Variants in CTSC observed in about 807,000 individuals in gnomAD.
CTSC encodes the protein cathepsin C, also known as dipeptidyl peptidase 1.
CTSC carries 37 observed loss-of-function variants against 40.9 expected under a neutral mutation model. The observed-to-expected ratio is 0.91, with a 90% confidence interval of 0.70 to 1.19. The LOEUF (loss-of-function observed/expected upper bound fraction) is 1.19. Among genes scored for constraint, CTSC ranks in the 50% most tolerant of loss-of-function variants. The pLI, the probability that CTSC is intolerant of heterozygous loss-of-function variation, is 0.00. For missense variants in CTSC, 594 were observed against 567.3 expected, an observed-to-expected ratio of 1.05 and a Z score of -0.48; for synonymous variants, 232 against 207.4, an observed-to-expected ratio of 1.12 and a Z score of -1.02.
At chr11:88,298,902 T>A (rs960197499) in intron 5 of CTSC, 5 of 152,218 alleles carry the variant, frequency 3.3e-5, no homozygotes, top group African/African-American at 1.2e-4. Flanking sequence ...AACTTGTCAA[T>A]CATTTCTTTT....
intron 2 of CTSC, among the ~76,000 whole-genome samples, chr11:88,319,647 T>C (rs1288725680): frequency 1.3e-5 from 2 of 152,144 alleles, no homozygotes; most frequent in African/African-American, 2.4e-5. Context: ...ATATTTTGGG[T>C]AGGGCACAAT....
At chr11:88,307,849 A>G (rs1248623316) in intron 4 of CTSC, among the ~76,000 whole-genome samples, 3 of 152,148 alleles carry the variant, frequency 2.0e-5, no homozygotes, top group African/African-American at 4.8e-5. Flanking sequence ...TAATCACCCA[A>G]CGGGTTCTCC....
At position 88,320,457 on chromosome 11, in the gene CTSC, G is replaced by T. The variant is rs982725299; in HGVS notation, c.319-7903C>A. 4.6e-5 allele frequency among the ~76,000 whole-genome samples: 7 copies of T among 152,304 alleles called. No homozygotes were observed. The East Asian group carries it at 1.4e-3, about 29-fold the overall frequency. On this transcript the variant is annotated intron_variant, in intron 2 of 6. Coordinates refer to ENST00000227266, the MANE Select transcript of CTSC (RefSeq NM_001814.6). Reference sequence around the variant, plus strand: ...TCATCTAATCCACTCCTCAGCTCATGTTCCTCACTATACTCAACAGAGGTG... The same window carrying T: ...TCATCTAATCCACTCCTCAGCTCATTTTCCTCACTATACTCAACAGAGGTG...
chr11:88,303,905 G>T (rs1204974593), intron 4 of CTSC, among the ~76,000 whole-genome samples: 1 of 151,902 alleles, frequency 6.6e-6, no homozygotes, highest in Non-Finnish European at 1.5e-5. Flanking sequence ...GAGGAGGGCG[G>T]AAGAAGATCA....
intron 2 of CTSC, chr11:88,325,422 T>C: frequency 1.0e-6 from 1 of 985,428 alleles, no homozygotes; most frequent in Non-Finnish European, 1.2e-6. Flanking sequence ...ATATTCATGA[T>C]GCTCACAGAC....
intron 4 of CTSC, among the ~76,000 whole-genome samples, chr11:88,306,245 C>T (rs1253731904): frequency 6.6e-6 from 1 of 152,130 alleles, no homozygotes; most frequent in Non-Finnish European, 1.5e-5. Flanking sequence ...AATGCCACAC[C>T]TTAGCATTAT....
intron 2 of CTSC, chr11:88,325,885 A>G (rs1938169005): frequency 2.0e-6 from 2 of 988,152 alleles, no homozygotes; most frequent in Non-Finnish European, 2.4e-6. Context: ...ATCTCAAGAG[A>G]TCCAAGGGCC....
chr11:88,326,153 A>AT (rs368047543), intron 2 of CTSC: 190 of 1,302,966 alleles, frequency 1.5e-4, no homozygotes, highest in South Asian at 4.9e-4. Context: ...CATCTTCAGA[A>AT]TTTTTTTTTC....
intron 2 of CTSC, among the ~76,000 whole-genome samples, chr11:88,330,264 C>A (rs217066): frequency 0.72 from 109,793 of 152,004 alleles, 39,823 homozygotes; most frequent in East Asian, 0.89. Context: ...TAGATACCCA[C>A]CCACCTGAGT....
chr11:88,305,517 C>T (rs1252089089), intron 4 of CTSC, among the ~76,000 whole-genome samples: 1 of 152,198 alleles, frequency 6.6e-6, no homozygotes, highest in African/African-American at 2.4e-5. Context: ...CTAGTGAAAG[C>T]TCTAGATTCA....
intron 2 of CTSC, among the ~76,000 whole-genome samples, chr11:88,313,061 G>T (rs1937798906): frequency 6.6e-6 from 1 of 152,122 alleles, no homozygotes; most frequent in Admixed American, 6.6e-5. Flanking sequence ...GAAACTACAA[G>T]AACAAATGAT....
At chr11:88,333,375 A>T (rs1462490015) in intron 2 of CTSC, among the ~76,000 whole-genome samples, 1 of 152,202 alleles carries the variant, frequency 6.6e-6, no homozygotes, top group Non-Finnish European at 1.5e-5. Flanking sequence ...TTTTTGTAAT[A>T]AATTGACTAG....
chr11:88,301,104 G>A (rs1042704711), intron 4 of CTSC, among the ~76,000 whole-genome samples: 1 of 152,078 alleles, frequency 6.6e-6, no homozygotes, highest in African/African-American at 2.4e-5. Context: ...AGGGAAAAAA[G>A]GGTCTATGTG....
chr11:88,324,988 G>A lies in CTSC; in HGVS notation c.318+9949C>T, dbSNP rs149134251. 2.7e-3 allele frequency: 2,693 copies of A among 985,238 alleles called. 8 individuals carry two copies. The highest frequency in any genetic ancestry group is 5.0e-3 in the Admixed American group (82 of 16,240). The allele number at this position is 985,238 out of a possible 1,614,324, so 61.0% of individuals were successfully genotyped here. Reference sequence around the variant, plus strand: ...AGTAAGGATGACAAACTACTCTCTAGAGAAAAATTCTTCTATTCAAGCAGA... The same window carrying A: ...AGTAAGGATGACAAACTACTCTCTAAAGAAAAATTCTTCTATTCAAGCAGA... On this transcript the variant is annotated intron_variant, in intron 2 of 6. Transcript: ENST00000227266.
intron 4 of CTSC, among the ~76,000 whole-genome samples, chr11:88,304,633 T>C (rs901642068): frequency 2.0e-4 from 31 of 152,086 alleles, no homozygotes; most frequent in African/African-American, 7.0e-4. Context: ...TTCTAAGTCA[T>C]AGAATGAGAT....
At chr11:88,316,473 C>G (rs934755975) in intron 2 of CTSC, among the ~76,000 whole-genome samples, 1 of 48,722 alleles carries the variant, frequency 2.1e-5, no homozygotes, top group Non-Finnish European at 3.3e-5. Context: ...CAGATCCATT[C>G]TCTAAATAAA....
At chr11:88,329,455 CAAAAAAAAA>C (rs34568364) in intron 2 of CTSC, among the ~76,000 whole-genome samples, 22 of 67,872 alleles carry the variant, frequency 3.2e-4, no homozygotes, top group East Asian at 5.5e-4. Context: ...GACTCCATTT[CAAAAAAAAA>C]AAAAAAAAAA....
intron 2 of CTSC, among the ~76,000 whole-genome samples, chr11:88,318,971 T>C (rs536891519): frequency 7.2e-4 from 109 of 152,300 alleles, no homozygotes; most frequent in African/African-American, 2.5e-3. Context: ...ATTTAATATA[T>C]GAAACAACAT....
chr11:88,318,701 T>A (rs1937930060), intron 2 of CTSC, among the ~76,000 whole-genome samples: 1 of 152,200 alleles, frequency 6.6e-6, no homozygotes, highest in African/African-American at 2.4e-5. Context: ...AAGTCGGGAT[T>A]TTGAGAGCAG....
Sources: gnomAD v4.1 joint callset for allele counts (sites outside exome capture counted in the v4.1 genomes callset) on GRCh38, gnomAD v4.1.1 for gene constraint, MANE v1.5 for transcripts, NCBI Gene and HGNC (gene_info 2026-07-23, HGNC 2026-07-21) for gene names.